The following CEP85L variants were observed in gnomAD, a reference collection of about 807,000 sequenced individuals.
CEP85L encodes the protein centrosomal protein 85L.
A neutral mutation model predicts 100.3 loss-of-function variants in CEP85L; 60 were observed. The observed-to-expected ratio is 0.60, with a 90% CI of 0.49 to 0.74. CEP85L has a LOEUF of 0.74. CEP85L is among the 30% of genes least tolerant of loss of function. The probability of loss-of-function intolerance (pLI) is 0.00; values close to 1 mark genes in which losing one functional copy is unlikely to be tolerated. For synonymous variants in CEP85L, 319 were observed against 322.7 expected, an observed-to-expected ratio of 0.99 and a Z score of 0.12; for missense variants, 973 against 936.2, an observed-to-expected ratio of 1.04 and a Z score of -0.51.
At position 118,503,352 on chromosome 6, in the gene CEP85L, A is replaced by C. The variant is rs1029289404; in HGVS notation, c.1257+7946T>G. Among the ~76,000 whole-genome samples, 4 of 152,224 alleles carry C rather than the reference A, an allele frequency of 2.6e-5. No individual in the cohort carries two copies. In the South Asian group the frequency reaches 8.3e-4, roughly 31 times the overall value. On this transcript the variant is annotated intron_variant, in intron 5 of 12. Transcript: ENST00000368491. ...GATAGGAAGACTCAATATTGTGAAC[A>C]TGTTGGTTCTTTCCAATTTGATCTA...
intron 1 of CEP85L, among the ~76,000 whole-genome samples, chr6:118,674,526 A>AAAAAAAAAAAC (rs1310674366): frequency 3.3e-5 from 5 of 151,190 alleles, no homozygotes; most frequent in African/African-American, 1.2e-4. Context: ...TCCATCTCAA[A>AAAAAAAAAAAC]AAAAAAAAAA....
At position 118,559,957 on chromosome 6, in the gene CEP85L, T is replaced by C. The variant is rs886061003; in HGVS notation, c.1020+5572A>G. On this transcript the variant is annotated intron_variant, in intron 3 of 12. Transcript: ENST00000368491. ...TACCTAGCTTACCATACTATATCTT[T>C]GGAATCATGAAACCTTAAGACTTCA... The C allele has an allele frequency of 6.0e-6, 1 of 167,080 alleles. No homozygotes were observed. The highest frequency in any genetic ancestry group is 1.9e-4 in the East Asian group (1 of 5,208). 10.3% of individuals were successfully genotyped at this position (167,080 alleles called of 1,614,324 possible).
intron 1 of CEP85L, among the ~76,000 whole-genome samples, chr6:118,681,323 A>G (rs1440288753): frequency 1.3e-5 from 2 of 152,214 alleles, no homozygotes; most frequent in South Asian, 2.1e-4. Flanking sequence ...TCTCTGGCTC[A>G]TATATAGAAT....
rs148469059 is a variant in CEP85L, at chr6:118,578,947, G to A, written c.233-12631C>T. 4.4e-3 allele frequency among the ~76,000 whole-genome samples: 671 copies of A among 152,232 alleles called. 3 individuals carry two copies. Among genetic ancestry groups the A allele is most frequent in the African/African-American group, 0.016 (645 of 41,530 alleles). ...GTCTCACTCTGTCACCCAGGCTGGT[G>A]TGCAATGGTGTGATCTTGGCTCACT... On this transcript the variant is annotated intron_variant, in intron 2 of 12. Coordinates refer to ENST00000368491, the MANE Select transcript of CEP85L (RefSeq NM_001042475.3).
chr6:118,694,819 T>C (rs1777155224), intron 1 of CEP85L, among the ~76,000 whole-genome samples: 1 of 152,222 alleles, frequency 6.6e-6, no homozygotes. Context: ...GCAGTTGCCA[T>C]ATAGCAACAA....
At chr6:118,572,415 C>T (rs1001740194) in intron 2 of CEP85L, among the ~76,000 whole-genome samples, 2 of 150,918 alleles carry the variant, frequency 1.3e-5, no homozygotes, top group African/African-American at 4.9e-5. Context: ...AAAACAAACA[C>T]AAAAAAATTA....
In CEP85L at chr6:118,585,065, T is replaced by C. The variant is rs1016672904; in HGVS notation, c.233-18749A>G. 2.0e-5 allele frequency among the ~76,000 whole-genome samples: 3 copies of C among 152,216 alleles called. No individual in the cohort carries two copies. In the East Asian group the frequency reaches 5.8e-4, roughly 29 times the overall value. On this transcript the variant is annotated intron_variant, in intron 2 of 12. Transcript: ENST00000368491. ...ACCCTCTTGACAGATGGGAGCTCTT[T>C]TGTAGAACAAGGAATCTGTAAGGCA...
At chr6:118,566,442 T>C in intron 2 of CEP85L, 126 bp from the exon 3 acceptor site, 2 of 815,934 alleles carry the variant, frequency 2.5e-6, no homozygotes, top group Non-Finnish European at 3.7e-6. Context: ...TTTTGAGACG[T>C]AGTTTTAGCT....
intron 10 of CEP85L, among the ~76,000 whole-genome samples, chr6:118,472,227 T>C (rs1324049054): frequency 1.3e-5 from 2 of 152,116 alleles, no homozygotes; most frequent in Non-Finnish European, 2.9e-5. Context: ...CCAACTAATA[T>C]GTCCCTATGT....
Position 118,542,900 on chromosome 6 carries a change from C to CAAAAAA in CEP85L, c.1021-18986_1021-18981dup, listed in dbSNP as rs71012391. Among the ~76,000 whole-genome samples, 17 of 67,148 alleles carry CAAAAAA rather than the reference C, an allele frequency of 2.5e-4. 1 individual carries two copies. The highest frequency in any genetic ancestry group is 5.5e-4 in the African/African-American group (10 of 18,236). 44.1% of individuals were successfully genotyped at this position (67,148 alleles called of 152,430 possible). On this transcript the variant is annotated intron_variant, in intron 3 of 12. Transcript: ENST00000368491. ...GAACTTCAACATCACCAAGTTTTCC[C>CAAAAAA]AAAAAAAAAAAAAAAAAAAAAAACA...
chr6:118,703,000 A>C (rs138750772), intron 1 of CEP85L, among the ~76,000 whole-genome samples: 8,673 of 150,568 alleles, frequency 0.058, 251 homozygotes, highest in African/African-American at 0.089. Flanking sequence ...TGTCTCAAAA[A>C]AAAAAAAAAA....
chr6:118,638,657 A>T (rs1427493036), intron 1 of CEP85L, among the ~76,000 whole-genome samples: 1 of 151,436 alleles, frequency 6.6e-6, no homozygotes, highest in Non-Finnish European at 1.5e-5. Context: ...CTGTAAGAAC[A>T]GCAAAGATCC....
intron 1 of CEP85L, among the ~76,000 whole-genome samples, chr6:118,679,202 A>G (rs574525189): frequency 1.3e-5 from 2 of 152,282 alleles, no homozygotes; most frequent in East Asian, 3.9e-4. Context: ...ACCAACTATT[A>G]TACTCCTATT....
At chr6:118,525,314 A>C (rs2114795646) in intron 3 of CEP85L, among the ~76,000 whole-genome samples, 1 of 152,336 alleles carries the variant, frequency 6.6e-6, no homozygotes, top group Non-Finnish European at 1.5e-5. Flanking sequence ...AAAAGCAGCA[A>C]ACATTTAAAA....
At chr6:118,609,089 A>G (rs1772437460) in intron 2 of CEP85L, among the ~76,000 whole-genome samples, 1 of 152,218 alleles carries the variant, frequency 6.6e-6, no homozygotes, top group African/African-American at 2.4e-5. Context: ...AATCCAATAT[A>G]TAGATGTTTT....
intron 1 of CEP85L, among the ~76,000 whole-genome samples, chr6:118,669,455 C>G (rs1776230115): frequency 1.3e-5 from 2 of 152,120 alleles, no homozygotes; most frequent in Admixed American, 6.5e-5. Flanking sequence ...CTTGCCCTTC[C>G]TTACATTTGA....
chr6:118,483,295 A>G (rs1194314885), intron 7 of CEP85L, among the ~76,000 whole-genome samples: 1 of 130,626 alleles, frequency 7.7e-6, no homozygotes, highest in Admixed American at 7.1e-5. Context: ...GTCAAGGTAT[A>G]AGAAAAATAT....
chr6:118,635,021 T>C (rs1256909575), intron 1 of CEP85L, among the ~76,000 whole-genome samples: 1 of 152,174 alleles, frequency 6.6e-6, no homozygotes, highest in East Asian at 1.9e-4. Flanking sequence ...GTCAACCAAG[T>C]GAGGGGAATG....
At chr6:118,580,627 G>A (rs776868597) in intron 2 of CEP85L, among the ~76,000 whole-genome samples, 3 of 152,130 alleles carry the variant, frequency 2.0e-5, no homozygotes, top group South Asian at 4.1e-4. Flanking sequence ...GGGAGACCTC[G>A]CCGTTGCGCA....
Sources: allele counts gnomAD v4.1 joint callset (sites outside exome capture counted in the v4.1 genomes callset), GRCh38; gene constraint gnomAD v4.1.1; transcripts MANE v1.5; gene names NCBI Gene and HGNC (gene_info 2026-07-23, HGNC 2026-07-21).